The following ARHGAP12 variants were observed in gnomAD, a reference collection of about 807,000 sequenced individuals.
ARHGAP12 encodes Rho GTPase activating protein 12.
In ARHGAP12, 64 loss-of-function variants were observed where a neutral mutation model predicts 108.6. That is an observed-to-expected ratio of 0.59 (90% confidence interval 0.48 to 0.73). ARHGAP12 has a LOEUF of 0.73. Ranked by LOEUF, ARHGAP12 falls within the 30% of genes least tolerant of loss-of-function variation. The probability of loss-of-function intolerance (pLI) is 0.00; values close to 1 mark genes in which losing one functional copy is unlikely to be tolerated. For missense variants in ARHGAP12, 940 were observed against 1,005.9 expected (o/e 0.93, Z 0.89); for synonymous variants, 312 against 337.2 (o/e 0.93, Z 0.82).
At chr10:31,922,279 A>C (rs1330094539) in intron 1 of ARHGAP12, among the ~76,000 whole-genome samples, 1 of 151,886 alleles carries the variant, frequency 6.6e-6, no homozygotes, top group African/African-American at 2.4e-5. Flanking sequence ...AGAGAAAAGA[A>C]ACAAATTATC....
At chr10:31,836,343 C>T (rs1836013549) in intron 9 of ARHGAP12, among the ~76,000 whole-genome samples, 1 of 151,854 alleles carries the variant, frequency 6.6e-6, no homozygotes, top group Admixed American at 6.6e-5. Flanking sequence ...TTAGATCAGC[C>T]CACAAAAACC....
intron 1 of ARHGAP12, among the ~76,000 whole-genome samples, chr10:31,926,425 A>G (rs35896975): frequency 1.3e-5 from 2 of 152,120 alleles, no homozygotes; most frequent in Admixed American, 6.5e-5. Context: ...CAGTGATGCT[A>G]TGTCGTACTA....
chr10:31,882,538 G>A (rs907522144), intron 3 of ARHGAP12, among the ~76,000 whole-genome samples: 1 of 152,100 alleles, frequency 6.6e-6, no homozygotes, highest in Non-Finnish European at 1.5e-5. Context: ...AACTAGGCTG[G>A]GTGCAGAGGC....
intron 5 of ARHGAP12, among the ~76,000 whole-genome samples, chr10:31,853,759 A>C (rs1247564062): frequency 6.6e-6 from 1 of 152,222 alleles, no homozygotes; most frequent in East Asian, 1.9e-4. Flanking sequence ...ATTTCCAAAA[A>C]ACTATTCCCT....
At chr10:31,862,715 C>CAG (rs1564397158) in intron 3 of ARHGAP12, among the ~76,000 whole-genome samples, 1 of 78,380 alleles carries the variant, frequency 1.3e-5, no homozygotes, top group Non-Finnish European at 2.8e-5. Flanking sequence ...GACACACACA[C>CAG]ACACACACAC....
intron 3 of ARHGAP12, among the ~76,000 whole-genome samples, chr10:31,896,124 G>A (rs1006597354): frequency 3.3e-5 from 5 of 151,896 alleles, no homozygotes; most frequent in African/African-American, 9.7e-5. Context: ...AGCATTAGGA[G>A]ATATACCTAA....
At chr10:31,890,398 G>C (rs959475276) in intron 3 of ARHGAP12, among the ~76,000 whole-genome samples, 1 of 152,120 alleles carries the variant, frequency 6.6e-6, no homozygotes, top group Non-Finnish European at 1.5e-5. Flanking sequence ...AAATACTGAG[G>C]ATTAGGTTTT....
At chr10:31,866,311 C>A (rs892165577) in intron 3 of ARHGAP12, among the ~76,000 whole-genome samples, 1 of 152,174 alleles carries the variant, frequency 6.6e-6, no homozygotes, top group Non-Finnish European at 1.5e-5. Context: ...CAGCTACCAG[C>A]CATGAGGATC....
chr10:31,806,558 TA>T lies in ARHGAP12; in HGVS notation c.*1099del, dbSNP rs1564360427. 1 of 152,586 alleles carries T rather than the reference TA, an allele frequency of 6.6e-6. No individual in the cohort carries two copies. Among genetic ancestry groups the T allele is most frequent in the Non-Finnish European group, 1.5e-5 (1 of 68,006 alleles). The allele number at this position is 152,586 out of a possible 1,614,324, so 9.5% of individuals were successfully genotyped here. A position where few individuals can be genotyped will look rare whatever the true frequency, so the allele number is the denominator to read the frequency against. On this transcript the variant is annotated 3_prime_UTR_variant, in exon 20 of 20. Transcript: ENST00000344936. Reference sequence around the variant, plus strand: ...TCATACTGGAATTAGAATTCTGTAATAAATTTTTTCTAATGTTTTCTGTACA... The same window carrying T: ...TCATACTGGAATTAGAATTCTGTAATAATTTTTTCTAATGTTTTCTGTACA...
At chr10:31,851,790 T>C (rs1429312584) in intron 6 of ARHGAP12, among the ~76,000 whole-genome samples, 6 of 152,236 alleles carry the variant, frequency 3.9e-5, no homozygotes, top group Non-Finnish European at 7.3e-5. Flanking sequence ...TTCTTTAAAT[T>C]GACTTACTTT....
At chr10:31,884,862 G>A (rs576913486) in intron 3 of ARHGAP12, among the ~76,000 whole-genome samples, 94 of 152,144 alleles carry the variant, frequency 6.2e-4, no homozygotes, top group Non-Finnish European at 1.2e-3. Flanking sequence ...ATCTCCAGTT[G>A]AGCTCAAAAA....
At chr10:31,811,130 G>A (rs1464881462) in intron 15 of ARHGAP12, among the ~76,000 whole-genome samples, 2 of 152,164 alleles carry the variant, frequency 1.3e-5, no homozygotes, top group Non-Finnish European at 2.9e-5. Flanking sequence ...TACTGTGTTA[G>A]ATTCACAGCA....
chr10:31,900,356 A>T (rs2132430636), intron 3 of ARHGAP12, among the ~76,000 whole-genome samples: 1 of 152,332 alleles, frequency 6.6e-6, no homozygotes, highest in African/African-American at 2.4e-5. Context: ...AACATACCAT[A>T]CATCATGTTC....
intron 4 of ARHGAP12, among the ~76,000 whole-genome samples, chr10:31,859,927 T>C (rs1837053287): frequency 6.6e-6 from 1 of 151,978 alleles, no homozygotes; most frequent in Non-Finnish European, 1.5e-5. Flanking sequence ...TCCAAGTAGC[T>C]GGGATTACAG....
Position 31,814,295 on chromosome 10 carries a change from T to C in ARHGAP12, c.1798A>G (p.Lys600Glu). The part of the protein sequence containing the change: ...PDSPGIEKHD[K>E]EKEQKDPKKL... ...TTGGGATCCTTTTGTTCCTTTTCTT[T>C]ATCATGCTTTTCTATTCCTGGTGAA... The change falls in exon 14 of 20, where the codon AAA becomes GAA. Residue 600 changes from lysine (K) to glutamate (E), a missense_variant. Physicochemically the swap from Lys to Glu is moderately conservative, Grantham distance 56. Transcript: ENST00000344936. The C allele has an allele frequency of 1.2e-6, 2 of 1,614,138 alleles. No homozygotes were observed. Among genetic ancestry groups the C allele is most frequent in the Non-Finnish European group, 1.7e-6 (2 of 1,179,994 alleles).
chr10:31,912,944 T>C (rs1839409520), intron 1 of ARHGAP12, among the ~76,000 whole-genome samples: 1 of 152,206 alleles, frequency 6.6e-6, no homozygotes, highest in African/African-American at 2.4e-5. Flanking sequence ...ACATATAGTT[T>C]ACAAATATTT....
chr10:31,908,539 T>C lies in ARHGAP12; in HGVS notation c.317A>G (p.Asn106Ser). ...TGAAAGCTCAGGCAATTTGTTCACATTTTCTGTTGATCTCTGAAGATGCAA... is the reference window on the plus strand; with the variant it reads ...TGAAAGCTCAGGCAATTTGTTCACACTTTCTGTTGATCTCTGAAGATGCAA... Reference protein sequence around the residue: ...QSLHLQRSTENVNKLPELSSF... With the variant: ...QSLHLQRSTESVNKLPELSSF... The change falls in exon 3 of 20, where the codon AAT becomes AGT. Residue 106 changes from asparagine to serine, a missense_variant. Transcript: ENST00000344936. The C allele has an allele frequency of 6.2e-7, 1 of 1,614,228 alleles. No individual in the cohort carries two copies. Among genetic ancestry groups the C allele is most frequent in the African/African-American group, 1.3e-5 (1 of 75,050 alleles).
At chr10:31,845,648 G>T (rs2132244943) in intron 6 of ARHGAP12, among the ~76,000 whole-genome samples, 1 of 152,162 alleles carries the variant, frequency 6.6e-6, no homozygotes, top group Admixed American at 6.5e-5. Context: ...AGCCAGGTTT[G>T]GTGGTGCATT....
chr10:31,903,215 G>A (rs1838998838), intron 3 of ARHGAP12, among the ~76,000 whole-genome samples: 1 of 152,174 alleles, frequency 6.6e-6, no homozygotes, highest in African/African-American at 2.4e-5. Flanking sequence ...AGATGGTATA[G>A]CCTATTGCTC....
Sources: gnomAD v4.1 joint callset for allele counts (sites outside exome capture counted in the v4.1 genomes callset) on GRCh38, gnomAD v4.1.1 for gene constraint, MANE v1.5 for transcripts, NCBI Gene and HGNC (gene_info 2026-07-23, HGNC 2026-07-21) for gene names.